Variants in TRIO observed in about 807,000 individuals in gnomAD.
The protein encoded by TRIO is trio Rho guanine nucleotide exchange factor.
Under a neutral mutation model 351.9 loss-of-function variants are expected in TRIO, and 58 were observed. The observed-to-expected ratio is 0.16, with a 90% CI of 0.13 to 0.21. The LOEUF (loss-of-function observed/expected upper bound fraction) is 0.21, where lower values mean the gene tolerates loss of function less well. Among genes scored for constraint, TRIO ranks in the 10% least tolerant of loss-of-function variants. The pLI is 1.00. For missense variants in TRIO, 3,201 were observed against 4,027.8 expected (o/e 0.79, Z 5.56); for synonymous variants, 1,758 against 1,595.7 (o/e 1.10, Z -2.42).
intron 10 of TRIO, among the ~76,000 whole-genome samples, chr5:14,332,895 G>T (rs1353488547): frequency 1.3e-5 from 2 of 152,128 alleles, no homozygotes; most frequent in Non-Finnish European, 2.9e-5. Context: ...AGAACAGTAC[G>T]ATCATTCAGA....
At chr5:14,402,539 AGGTGGTGGAGACGCTGT>A (rs976781008) in intron 31 of TRIO, among the ~76,000 whole-genome samples, 1 of 151,720 alleles carries the variant, frequency 6.6e-6, no homozygotes. Flanking sequence ...ATGTAGGTGG[AGGTGGTGGAGACGCTGT>A]GGTGGTGGTG....
At chr5:14,469,954 A>C (rs578149453) in intron 37 of TRIO, among the ~76,000 whole-genome samples, 1 of 152,196 alleles carries the variant, frequency 6.6e-6, no homozygotes, top group African/African-American at 2.4e-5. Context: ...TCAGCTGTCC[A>C]GGTGGGGGAT....
At chr5:14,316,178 T>C (rs760647816) in intron 8 of TRIO, among the ~76,000 whole-genome samples, 2 of 152,256 alleles carry the variant, frequency 1.3e-5, no homozygotes, top group Non-Finnish European at 2.9e-5. Context: ...AGTTGATTTA[T>C]GGCATTTAAG....
rs570903953 is a variant in TRIO, at chr5:14,473,856, T to C, written c.5980-138T>C. 3.4e-5 allele frequency: 23 copies of C among 683,868 alleles called. No homozygotes were observed. In the East Asian group the frequency reaches 5.5e-4, roughly 16 times the overall value. The allele number at this position is 683,868 out of a possible 1,614,324, so 42.4% of individuals were successfully genotyped here. On this transcript the variant is annotated intron_variant, in intron 39 of 56. Coordinates refer to ENST00000344204, the MANE Select transcript of TRIO (RefSeq NM_007118.4). ...AGGATACTTTTCATATCGGTTTTTTTTGTTTGTTTTTAGACAAAGAACTGG... is the reference window on the plus strand; with the variant it reads ...AGGATACTTTTCATATCGGTTTTTTCTGTTTGTTTTTAGACAAAGAACTGG...
chr5:14,418,450 G>A (rs1042874470), intron 33 of TRIO, among the ~76,000 whole-genome samples: 22 of 152,168 alleles, frequency 1.4e-4, no homozygotes, highest in African/African-American at 5.3e-4. Flanking sequence ...GGAAGTGATC[G>A]GAGAGCCGCG....
chr5:14,305,948 A>C (rs1255236465), intron 8 of TRIO, among the ~76,000 whole-genome samples: 1 of 152,260 alleles, frequency 6.6e-6, no homozygotes, highest in Non-Finnish European at 1.5e-5. Flanking sequence ...GTATAGTAAC[A>C]TGCTGTACAG....
intron 2 of TRIO, 85 bp downstream of exon 2, chr5:14,270,984 C>T (rs1406952874): frequency 1.1e-6 from 1 of 942,958 alleles, no homozygotes; most frequent in African/African-American, 1.7e-5. Flanking sequence ...TCACCTGCCA[C>T]AACATATAAA....
intron 47 of TRIO, 38 bp from the exon 48 acceptor site, chr5:14,487,426 C>T (rs1247125921): frequency 1.3e-5 from 14 of 1,095,712 alleles, no homozygotes; most frequent in Non-Finnish European, 1.6e-5. Flanking sequence ...TGCTCCTTGG[C>T]GCCCTGACCC....
In TRIO at chr5:14,504,513, G is replaced by A; in HGVS notation, c.8532G>A (p.Leu2844=). ...RDQVTHELGI[L]QSLQHPLLVG... Reference sequence around the variant, plus strand: ...AGGTCACCCATGAGCTTGGCATCCTGCAGAGCCTCCAGCACCCCCTGCTTG... The same window carrying A: ...AGGTCACCCATGAGCTTGGCATCCTACAGAGCCTCCAGCACCCCCTGCTTG... Residue 2844 remains leucine (L), a synonymous_variant, in exon 55 of 57, where the codon CTG becomes CTA. Transcript: ENST00000344204. 3.1e-6 allele frequency: 5 copies of A among 1,614,124 alleles called. No homozygotes were observed. In the South Asian group the frequency reaches 3.3e-5, roughly 11 times the overall value.
At chr5:14,271,101 T>A (rs1221523560) in intron 2 of TRIO, among the ~76,000 whole-genome samples, 1 of 152,242 alleles carries the variant, frequency 6.6e-6, no homozygotes, top group African/African-American at 2.4e-5. Flanking sequence ...CATGATAAGT[T>A]AGTTAGTGTT....
chr5:14,298,358 T>C (rs1475328925), intron 7 of TRIO, among the ~76,000 whole-genome samples: 1 of 152,170 alleles, frequency 6.6e-6, no homozygotes, highest in East Asian at 1.9e-4. Context: ...CTTTTCAGGA[T>C]GTGGAGAAAG....
intron 19 of TRIO, among the ~76,000 whole-genome samples, chr5:14,375,283 T>C (rs1269008693): frequency 6.6e-6 from 1 of 152,214 alleles, no homozygotes; most frequent in Non-Finnish European, 1.5e-5. Flanking sequence ...CATTGATAAT[T>C]GGTTTATTTG....
intron 1 of TRIO, among the ~76,000 whole-genome samples, chr5:14,176,425 G>A (rs1336968383): frequency 1.3e-5 from 2 of 152,080 alleles, no homozygotes; most frequent in African/African-American, 2.4e-5. Flanking sequence ...AGCCGAGATC[G>A]CGCCACCGCA....
intron 34 of TRIO, among the ~76,000 whole-genome samples, chr5:14,445,998 CT>C (rs1752409793): frequency 6.6e-6 from 1 of 152,238 alleles, no homozygotes; most frequent in African/African-American, 2.4e-5. Flanking sequence ...GTGGCCGTGC[CT>C]TTCATCACAC....
At chr5:14,355,872 A>G (rs1006623544) in intron 11 of TRIO, among the ~76,000 whole-genome samples, 1 of 152,196 alleles carries the variant, frequency 6.6e-6, no homozygotes, top group Admixed American at 6.5e-5. Context: ...TTCTGATACC[A>G]GCTTTTGGGC....
chr5:14,437,637 C>T (rs1015351793), intron 34 of TRIO, among the ~76,000 whole-genome samples: 1 of 151,712 alleles, frequency 6.6e-6, no homozygotes, highest in Admixed American at 6.6e-5. Flanking sequence ...CATGTCTGTG[C>T]CCTCATCTCC....
At chr5:14,410,434 C>T (rs554826597) in intron 33 of TRIO, among the ~76,000 whole-genome samples, 151 of 152,296 alleles carry the variant, frequency 9.9e-4, no homozygotes, top group African/African-American at 3.5e-3. Context: ...AATGCACTGT[C>T]CCTCTGAACT....
intron 8 of TRIO, among the ~76,000 whole-genome samples, chr5:14,308,532 A>G (rs996326582): frequency 6.6e-5 from 10 of 150,644 alleles, no homozygotes; most frequent in African/African-American, 2.4e-4. Flanking sequence ...CCATCCATTT[A>G]TCCATCCATC....
chr5:14,211,451 A>T (rs574425863), intron 1 of TRIO, among the ~76,000 whole-genome samples: 1 of 152,358 alleles, frequency 6.6e-6, no homozygotes, highest in African/African-American at 2.4e-5. Flanking sequence ...CCTGCTGTGA[A>T]TTAACCTATA....
Sources: allele counts gnomAD v4.1 joint callset (sites outside exome capture counted in the v4.1 genomes callset), GRCh38; gene constraint gnomAD v4.1.1; transcripts MANE v1.5; gene names NCBI Gene and HGNC (gene_info 2026-07-23, HGNC 2026-07-21).